CDH18: variants seen among roughly 807,000 people sequenced by gnomAD.
CDH18 encodes the protein cadherin-18.
A neutral mutation model predicts 67.9 loss-of-function variants in CDH18; 31 were observed. That is an observed-to-expected ratio of 0.46 (90% CI 0.34 to 0.62). The LOEUF (loss-of-function observed/expected upper bound fraction) is 0.62. Among genes scored for constraint, CDH18 ranks in the 20% least tolerant of loss-of-function variants. The probability of loss-of-function intolerance (pLI) is 0.01; values close to 1 mark genes in which losing one functional copy is unlikely to be tolerated. For missense variants in CDH18, 890 were observed against 975.5 expected (o/e 0.91, Z 1.17); for synonymous variants, 362 against 347.2 (o/e 1.04, Z -0.48).
intron 5 of CDH18, among the ~76,000 whole-genome samples, chr5:19,614,906 G>A (rs967007999): frequency 6.6e-6 from 1 of 152,122 alleles, no homozygotes. Context: ...CCAGCACTTT[G>A]AGAGGCCTAG....
chr5:19,483,525 C>T lies in CDH18; in HGVS notation c.1658G>A (p.Arg553Gln), dbSNP rs775306740. 6.8e-6 allele frequency: 11 copies of T among 1,612,826 alleles called. No individual in the cohort carries two copies. The highest frequency in any genetic ancestry group is 1.1e-5 in the South Asian group (1 of 90,920). Residue 553 changes from arginine to glutamine, a missense_variant, in exon 12 of 13, where the codon CGG becomes CAG. By Grantham distance (43) the Arg-to-Gln change is conservative. This residue lies in a region of CDH18 where 656 missense variants were observed against 668.1 expected (regional missense o/e 0.98). Coordinates refer to ENST00000382275, the MANE Select transcript of CDH18 (RefSeq NM_004934.5). Reference protein sequence around the residue: ...EDNTASILTRRRRFSRTVQDV... With the variant: ...EDNTASILTRQRRFSRTVQDV... ...CTGAACAGTTCGACTAAATCTCCTCCGCCTTGTCAGAATGCTGGCTGTGTT... is the reference window on the plus strand; with the variant it reads ...CTGAACAGTTCGACTAAATCTCCTCTGCCTTGTCAGAATGCTGGCTGTGTT...
intron 1 of CDH18, among the ~76,000 whole-genome samples, chr5:20,465,375 A>AATTT (rs1258994977): frequency 6.6e-6 from 1 of 151,950 alleles, no homozygotes; most frequent in Non-Finnish European, 1.5e-5. Flanking sequence ...CAACTGCAAA[A>AATTT]ATTTATTCTT....
In CDH18 at chr5:19,680,736, G is replaced by A. The variant is rs546438558; in HGVS notation, c.643+40611C>T. 2.9e-3 allele frequency among the ~76,000 whole-genome samples: 438 copies of A among 151,982 alleles called. 2 individuals carry two copies. Among genetic ancestry groups the A allele is most frequent in the Non-Finnish European group, 5.3e-3 (360 of 67,894 alleles). On this transcript the variant is annotated intron_variant, in intron 5 of 12. Transcript: ENST00000382275. ...ATGAGGCACCATCTCACACCAGACA[G>A]AATAAAAAAATTACAAAGTCTAAAA...
At chr5:20,101,844 C>T (rs549070582) in intron 2 of CDH18, among the ~76,000 whole-genome samples, 21 of 152,218 alleles carry the variant, frequency 1.4e-4, no homozygotes, top group Admixed American at 2.6e-4. Context: ...GAGGCCGAGG[C>T]GGGCGGGTCA....
chr5:19,926,829 G>A (rs781491193), intron 2 of CDH18, among the ~76,000 whole-genome samples: 12 of 151,712 alleles, frequency 7.9e-5, no homozygotes, highest in East Asian at 5.8e-4. Context: ...GAAATAAAAC[G>A]TATCTATATA....
chr5:20,043,357 C>T (rs1236400249), intron 2 of CDH18, among the ~76,000 whole-genome samples: 1 of 152,104 alleles, frequency 6.6e-6, no homozygotes, highest in Non-Finnish European at 1.5e-5. Flanking sequence ...ATTTAACTCT[C>T]CTTTCTTTCC....
chr5:19,860,794 C>A (rs1224617518), intron 2 of CDH18, among the ~76,000 whole-genome samples: 1 of 151,898 alleles, frequency 6.6e-6, no homozygotes, highest in African/African-American at 2.4e-5. Context: ...AAAAGTGAAC[C>A]TAAATACACA....
At chr5:20,045,026 C>A (rs2150479671) in intron 2 of CDH18, among the ~76,000 whole-genome samples, 1 of 152,188 alleles carries the variant, frequency 6.6e-6, no homozygotes, top group Admixed American at 6.5e-5. Context: ...ACCCAAAATT[C>A]TAGAGAGAAA....
chr5:19,645,848 A>G (rs1223357128), intron 5 of CDH18, among the ~76,000 whole-genome samples: 2 of 152,208 alleles, frequency 1.3e-5, no homozygotes, highest in Non-Finnish European at 2.9e-5. Flanking sequence ...AGTAGCAGGT[A>G]TACAGATACA....
At chr5:19,754,828 G>A (rs1205192839) in intron 3 of CDH18, among the ~76,000 whole-genome samples, 4 of 151,946 alleles carry the variant, frequency 2.6e-5, no homozygotes, top group African/African-American at 9.7e-5. Context: ...AGACCACAGT[G>A]GAATAAAACT....
rs375075246 is a variant in CDH18, at chr5:20,416,268, C to T, written c.-580+159194G>A. 2.6e-4 allele frequency among the ~76,000 whole-genome samples: 40 copies of T among 152,078 alleles called. 1 individual carries two copies. In the East Asian group the frequency reaches 6.6e-3, roughly 25 times the overall value. ...ACAAGGTCATCATAGAAAGTAAATT[C>T]ACAAGTACATAAATTTGAGTTTGTA... is the stretch of plus-strand genomic sequence containing the variant. On this transcript the variant is annotated intron_variant, in intron 1 of 14. Coordinates refer to the CDH18 transcript ENST00000507958.
intron 2 of CDH18, among the ~76,000 whole-genome samples, chr5:20,215,022 G>A (rs1390413509): frequency 6.6e-6 from 1 of 151,934 alleles, no homozygotes; most frequent in Non-Finnish European, 1.5e-5. Context: ...TAAAAAGTTG[G>A]CAAAGGACAT....
At chr5:19,579,404 T>G (rs575441894) in intron 7 of CDH18, among the ~76,000 whole-genome samples, 1 of 151,996 alleles carries the variant, frequency 6.6e-6, no homozygotes, top group East Asian at 1.9e-4. Context: ...TATTATGATC[T>G]TATTTTTTTT....
intron 2 of CDH18, among the ~76,000 whole-genome samples, chr5:20,100,160 G>C (rs111695811): frequency 1.3e-5 from 2 of 152,044 alleles, no homozygotes; most frequent in East Asian, 3.9e-4. Flanking sequence ...ACAAAGATTT[G>C]TCCCAAATAA....
chr5:19,721,942 T>A (rs1398164749), intron 4 of CDH18, among the ~76,000 whole-genome samples: 1 of 152,184 alleles, frequency 6.6e-6, no homozygotes, highest in East Asian at 1.9e-4. Flanking sequence ...ATCAATGACA[T>A]CACAACACTC....
At chr5:20,404,961 G>A (rs1746101221) in intron 1 of CDH18, among the ~76,000 whole-genome samples, 1 of 151,978 alleles carries the variant, frequency 6.6e-6, no homozygotes, top group Non-Finnish European at 1.5e-5. Context: ...TACACTCAAG[G>A]CTGCTACTAT....
chr5:20,319,028 C>T (rs139429279), intron 1 of CDH18, among the ~76,000 whole-genome samples: 38 of 152,308 alleles, frequency 2.5e-4, no homozygotes, highest in African/African-American at 8.4e-4. Flanking sequence ...TAGGACCCCA[C>T]GGTCTGGACC....
At chr5:19,655,986 C>CTT (rs963093504) in intron 5 of CDH18, among the ~76,000 whole-genome samples, 1,360 of 103,642 alleles carry the variant, frequency 0.013, 29 homozygotes, top group South Asian at 0.019. Context: ...CTACTCACTT[C>CTT]TTTTTTTTTT....
chr5:19,987,836 C>G (rs1049901591), intron 1 of CDH18, among the ~76,000 whole-genome samples: 2 of 152,162 alleles, frequency 1.3e-5, no homozygotes, highest in African/African-American at 4.8e-5. Flanking sequence ...AGACACGCAG[C>G]TGGATTCTGA....
Sources: allele counts gnomAD v4.1 joint callset (sites outside exome capture counted in the v4.1 genomes callset), GRCh38; gene constraint gnomAD v4.1.1; regional missense constraint gnomAD v4.1.1; transcripts MANE v1.5; gene names NCBI Gene and HGNC (gene_info 2026-07-23, HGNC 2026-07-21).